Variants in ASNS observed in about 807,000 individuals in gnomAD.
ASNS encodes the protein asparagine synthetase [glutamine-hydrolyzing].
In ASNS, 37 loss-of-function variants were observed where a neutral mutation model predicts 62.6. The observed-to-expected ratio is 0.59, with a 90% CI of 0.45 to 0.78. The LOEUF (loss-of-function observed/expected upper bound fraction) is 0.78. ASNS is among the 30% of genes least tolerant of loss of function. ASNS has a pLI of 0.00. For synonymous variants in ASNS, 207 were observed against 237.9 expected, an observed-to-expected ratio of 0.87 and a Z score of 1.19; for missense variants, 520 against 682.4, an observed-to-expected ratio of 0.76 and a Z score of 2.65.
At chr7:97,916,163 G>A in the ASNS span, among the ~76,000 whole-genome samples, 1 of 152,134 alleles carries the variant, frequency 6.6e-6, no homozygotes, top group South Asian at 2.1e-4. Flanking sequence ...TGGATCACCT[G>A]AGGTCAGGAG....
At chr7:97,890,812 T>G in the ASNS span, among the ~76,000 whole-genome samples, 1 of 152,218 alleles carries the variant, frequency 6.6e-6, no homozygotes, top group Admixed American at 6.5e-5. Flanking sequence ...GACTGTTTGT[T>G]TGTGTCTTGT....
intron 3 of ASNS, among the ~76,000 whole-genome samples, chr7:97,868,519 A>ATGTGTGTGTGTGTGTG (rs61611439): frequency 2.0e-3 from 245 of 122,978 alleles, no homozygotes; most frequent in African/African-American, 6.4e-3. Context: ...CAGCAAAAAC[A>ATGTGTGTGTGTGTGTG]TGTGTGTGTG....
the ASNS span, among the ~76,000 whole-genome samples, chr7:97,894,058 T>C: frequency 6.6e-6 from 1 of 151,924 alleles, no homozygotes; most frequent in East Asian, 2.0e-4. Flanking sequence ...AAACTTGAAA[T>C]CAATAAGAAG....
the ASNS span, among the ~76,000 whole-genome samples, chr7:97,884,014 A>G: frequency 6.6e-6 from 1 of 151,766 alleles, no homozygotes; most frequent in Non-Finnish European, 1.5e-5. Context: ...AAAAATTATA[A>G]AAGGTCACCT....
At chr7:97,884,915 C>CT in the ASNS span, among the ~76,000 whole-genome samples, 10 of 152,074 alleles carry the variant, frequency 6.6e-5, no homozygotes, top group Non-Finnish European at 1.3e-4. Flanking sequence ...TGACAATCTA[C>CT]TTTTTTTGAG....
At chr7:97,893,656 T>A in the ASNS span, among the ~76,000 whole-genome samples, 1 of 152,242 alleles carries the variant, frequency 6.6e-6, no homozygotes, top group African/African-American at 2.4e-5. Flanking sequence ...AATAAAGGGA[T>A]CAATTCAGCA....
At chr7:97,853,266 A>G in intron 11 of ASNS, 39 bp downstream of exon 11, 1 of 1,611,526 alleles carries the variant, frequency 6.2e-7, no homozygotes, top group South Asian at 1.1e-5. Context: ...ATATAATCTG[A>G]TGGCAATGGA....
the ASNS span, among the ~76,000 whole-genome samples, chr7:97,893,045 A>G: frequency 1.3e-5 from 2 of 152,392 alleles, no homozygotes; most frequent in East Asian, 1.9e-4. Flanking sequence ...AAGAGGTTTA[A>G]TGGACTTACA....
Position 97,852,414 on chromosome 7 carries a change from T to C in ASNS, c.1531A>G (p.Lys511Glu), listed in dbSNP as rs765308672. ...CGGTAGTAATATCCTTCTTTGGTTT[T>C]AGGAGTATTGAAGGGAAATTTCTGG... Reference protein sequence around the residue: ...AAQKFPFNTPKTKEGYYYRQV... With the variant: ...AAQKFPFNTPETKEGYYYRQV... Residue 511 changes from lysine to glutamate, a missense_variant, in exon 13 of 13, where the codon AAA becomes GAA. Transcript: ENST00000394308. 5.0e-6 allele frequency: 8 copies of C among 1,614,044 alleles called. No homozygotes were observed. The East Asian group carries it at 1.6e-4, about 31-fold the overall frequency.
the ASNS span, among the ~76,000 whole-genome samples, chr7:97,891,976 C>A: frequency 6.6e-6 from 1 of 152,356 alleles, no homozygotes; most frequent in East Asian, 1.9e-4. Context: ...TGTGGGGGCT[C>A]CGACCCCACA....
At position 97,868,149 on chromosome 7, in the gene ASNS, A is replaced by G. The variant is rs182479537; in HGVS notation, c.249+759T>C. ...ATGGTGAAACCCTGTCTTTACTAAA[A>G]TACAAAAAATTAGCTGGGCATGGTG... is the stretch of plus-strand genomic sequence containing the variant. On this transcript the variant is annotated intron_variant, in intron 3 of 12. Transcript: ENST00000394308. Among the ~76,000 whole-genome samples, 259 of 152,270 alleles carry G rather than the reference A, an allele frequency of 1.7e-3. 1 individual carries two copies. Among genetic ancestry groups the G allele is most frequent in the African/African-American group, 5.7e-3 (238 of 41,548 alleles).
the ASNS span, among the ~76,000 whole-genome samples, chr7:97,905,459 G>A: frequency 6.6e-6 from 1 of 152,216 alleles, no homozygotes; most frequent in African/African-American, 2.4e-5. Flanking sequence ...CTCTAGGGTA[G>A]ACTTCACTTC....
the ASNS span, among the ~76,000 whole-genome samples, chr7:97,887,560 T>C: frequency 6.6e-6 from 1 of 152,192 alleles, no homozygotes; most frequent in African/African-American, 2.4e-5. Context: ...AAAGTGTGCA[T>C]TCAATTGTGC....
Position 97,858,940 on chromosome 7 carries a change from G to A in ASNS, c.689C>T (p.Thr230Ile). 1 of 1,612,828 alleles carries A rather than the reference G, an allele frequency of 6.2e-7. No individual in the cohort carries two copies. The highest frequency in any genetic ancestry group is 8.5e-7 in the Non-Finnish European group (1 of 1,179,740). The change falls in exon 6 of 13, where the codon ACT becomes ATT. Residue 230 changes from threonine (T) to isoleucine (I), a missense_variant. By Grantham distance (89) the Thr-to-Ile change is moderately conservative. Transcript: ENST00000394308. ...AAGGATCCTGAGGTTGTTCTTCACA[G>A]TTTCTATCTCAAAACCTATAAACAC... ...EKLFPGFEIETVKNNLRILFN... is the reference protein window; with the variant it reads ...EKLFPGFEIEIVKNNLRILFN...
intron 7 of ASNS, among the ~76,000 whole-genome samples, chr7:97,857,026 G>T (rs1562815060): frequency 6.6e-6 from 1 of 152,156 alleles, no homozygotes; most frequent in African/African-American, 2.4e-5. Flanking sequence ...CAGGAAGTAA[G>T]TCTCCCCTCA....
chr7:97,885,211 C>A, the ASNS span, among the ~76,000 whole-genome samples: 1 of 152,220 alleles, frequency 6.6e-6, no homozygotes, highest in Admixed American at 6.5e-5. Flanking sequence ...TGTTGTAGCA[C>A]GTGTTAGTAC....
At chr7:97,853,659 T>C (rs1336013236) in intron 10 of ASNS, among the ~76,000 whole-genome samples, 3 of 152,228 alleles carry the variant, frequency 2.0e-5, no homozygotes, top group Non-Finnish European at 4.4e-5. Flanking sequence ...GTTAAATGCA[T>C]ATTTCAAAAA....
chr7:97,873,781 T>TA (rs1194052657), upstream of ASNS, among the ~76,000 whole-genome samples: 2 of 152,050 alleles, frequency 1.3e-5, no homozygotes, highest in Non-Finnish European at 2.9e-5. Context: ...CTTGGTGTGT[T>TA]ACCTAGTGTG....
intron 4 of ASNS, 37 bp downstream of exon 4, chr7:97,864,222 G>T (rs1256424149): frequency 1.3e-6 from 2 of 1,545,888 alleles, no homozygotes; most frequent in Non-Finnish European, 1.8e-6. Context: ...GTACAACCAA[G>T]ACAATAATGA....
Sources: gnomAD v4.1 joint callset for allele counts (sites outside exome capture counted in the v4.1 genomes callset) on GRCh38, gnomAD v4.1.1 for gene constraint, MANE v1.5 for transcripts, NCBI Gene and HGNC (gene_info 2026-07-23, HGNC 2026-07-21) for gene names.